CLCN7: variants seen among roughly 807,000 people sequenced by gnomAD.
The protein encoded by CLCN7 is H(+)/Cl(-) exchange transporter 7.
CLCN7 carries 60 observed loss-of-function variants against 102.1 expected under a neutral mutation model. The observed-to-expected ratio is 0.59, with a 90% CI of 0.48 to 0.73. The LOEUF is 0.73. Among genes scored for constraint, CLCN7 ranks in the 30% least tolerant of loss-of-function variants. CLCN7 has a pLI of 0.00. For synonymous variants in CLCN7, 560 were observed against 490.5 expected, an observed-to-expected ratio of 1.14 and a Z score of -1.87; for missense variants, 962 against 1,125.7, an observed-to-expected ratio of 0.85 and a Z score of 2.08.
chr16:1,457,978 G>A lies in CLCN7; in HGVS notation c.676-222C>T, dbSNP rs1459916874. Among the ~76,000 whole-genome samples, 3 of 152,202 alleles carry A rather than the reference G, an allele frequency of 2.0e-5. No individual in the cohort carries two copies. The highest frequency in any genetic ancestry group is 2.4e-5 in the African/African-American group (1 of 41,462). On this transcript the variant is annotated intron_variant, in intron 7 of 24. Coordinates refer to ENST00000382745, the MANE Select transcript of CLCN7 (RefSeq NM_001287.6). The surrounding 1 kb of genome is among the most constrained non-coding windows in gnomAD (Gnocchi z 5.4). ...TCACTCGGGGGACCTGCCCTCTGTG[G>A]CCTCAGCACTGAGCAGGCAAGGGGT... is the stretch of plus-strand genomic sequence containing the variant.
At chr16:1,473,841 T>A (rs902646471) in intron 1 of CLCN7, among the ~76,000 whole-genome samples, 5 of 151,834 alleles carry the variant, frequency 3.3e-5, no homozygotes, top group African/African-American at 1.2e-4. Context: ...CCCAGCACTT[T>A]GGGAGGCTGA....
chr16:1,455,974 G>T, intron 10 of CLCN7, 139 bp downstream of exon 10: 1 of 984,506 alleles, frequency 1.0e-6, no homozygotes, highest in Non-Finnish European at 1.5e-6. Context: ...CAAGTACACT[G>T]CCGGCCGCTT....
chr16:1,474,291 C>A (rs2039119766), intron 1 of CLCN7: 2 of 439,532 alleles, frequency 4.6e-6, no homozygotes, highest in Non-Finnish European at 9.2e-6. Flanking sequence ...ACTCGTCACT[C>A]CCAAGATCAC....
Position 1,449,423 on chromosome 16 carries a change from C to A in CLCN7, c.1618-96G>T, listed in dbSNP as rs1040568752. 8.2e-6 allele frequency: 10 copies of A among 1,216,058 alleles called. No individual in the cohort carries two copies. In the South Asian group the frequency reaches 1.0e-4, roughly 13 times the overall value. 75.3% of individuals were successfully genotyped at this position (1,216,058 alleles called of 1,614,324 possible). ...GGAGGCCCTGCCCAGGCCCAGCAGC[C>A]CCACAGCCAGGAACAAACCTCGTGG... is the stretch of plus-strand genomic sequence containing the variant. On this transcript the variant is annotated intron_variant, in intron 17 of 24. Transcript: ENST00000382745.
Position 1,461,681 on chromosome 16 carries a change from C to T in CLCN7, c.214-7G>A. On this transcript the variant is annotated splice_polypyrimidine_tract_variant and splice_region_variant and intron_variant, in intron 2 of 24. Transcript: ENST00000382745. ...GATGTGGAGGGTCCATATCCTGTGG[C>T]AGAAAAAGGCAAAGAGAGAAGCACA... The T allele has an allele frequency of 1.2e-6, 2 of 1,613,344 alleles. No individual in the cohort carries two copies. Among genetic ancestry groups the T allele is most frequent in the Non-Finnish European group, 1.7e-6 (2 of 1,179,554 alleles).
chr16:1,448,487 G>A lies in CLCN7; in HGVS notation c.1884-3C>T. 2 of 1,608,600 alleles carry A rather than the reference G, an allele frequency of 1.2e-6. No individual in the cohort carries two copies. Among genetic ancestry groups the A allele is most frequent in the South Asian group, 2.2e-5 (2 of 91,072 alleles). The stretch of plus-strand genomic sequence containing the variant: ...TCACTGGTGTGCTCATCACCTCCCT[G>A]CCGGAGGAGCCCGGCCACACATGCC... On this transcript the variant is annotated splice_region_variant and splice_polypyrimidine_tract_variant and intron_variant, in intron 20 of 24. Transcript: ENST00000382745.
At chr16:1,469,993 G>T (rs571015699) in intron 1 of CLCN7, among the ~76,000 whole-genome samples, 1 of 152,242 alleles carries the variant, frequency 6.6e-6, no homozygotes, top group African/African-American at 2.4e-5. Flanking sequence ...TCGCAAGAGG[G>T]CCCTGGAGCC....
intron 15 of CLCN7, 21 bp from the exon 16 acceptor site, chr16:1,451,737 A>G (rs1449953072): frequency 1.2e-6 from 2 of 1,601,500 alleles, no homozygotes; most frequent in East Asian, 4.5e-5. Context: ...GGGAGAGAGC[A>G]CACGTTGGGA....
At chr16:1,447,902 A>G (rs952876908) in intron 21 of CLCN7, among the ~76,000 whole-genome samples, 188 bp from the exon 22 acceptor site, 1 of 152,182 alleles carries the variant, frequency 6.6e-6, no homozygotes, top group Non-Finnish European at 1.5e-5. Context: ...CACGGGACCC[A>G]AGGATCGGCG....
At chr16:1,455,705 G>C in intron 11 of CLCN7, 26 bp downstream of exon 11, 1 of 1,612,038 alleles carries the variant, frequency 6.2e-7, no homozygotes, top group Non-Finnish European at 8.5e-7. Context: ...ACCCTGATCA[G>C]GAGGCAGCCA....
chr16:1,455,483 G>A, intron 11 of CLCN7: 1 of 649,964 alleles, frequency 1.5e-6, no homozygotes, highest in Non-Finnish European at 2.8e-6. Flanking sequence ...GGTGGGGCAG[G>A]GCTGGGTTCC....
chr16:1,469,613 T>C (rs548155082), intron 1 of CLCN7, among the ~76,000 whole-genome samples: 22 of 152,138 alleles, frequency 1.4e-4, no homozygotes, highest in East Asian at 7.8e-4. Context: ...TTGAACCCAA[T>C]AGGCAGAGGT....
intron 1 of CLCN7, chr16:1,474,257 T>C: frequency 2.2e-6 from 1 of 455,274 alleles, no homozygotes; most frequent in South Asian, 1.6e-5. Context: ...TTCAACTCGG[T>C]GCGAAGGGAG....
At chr16:1,453,741 C>A in intron 14 of CLCN7, 93 bp downstream of exon 14, 1 of 1,191,308 alleles carries the variant, frequency 8.4e-7, no homozygotes, top group Non-Finnish European at 1.3e-6. Flanking sequence ...CGGCTGTGGC[C>A]TAGGAGTGTA....
At position 1,447,639 on chromosome 16, in the gene CLCN7, G is replaced by T; in HGVS notation, c.2073+16C>A. On this transcript the variant is annotated intron_variant, in intron 22 of 24. Coordinates refer to ENST00000382745, the MANE Select transcript of CLCN7 (RefSeq NM_001287.6). The stretch of plus-strand genomic sequence containing the variant: ...GGGGCCCCCACCCGCCCAATGGCCC[G>T]GAGCCTGGCACGCACCTTGTGCTTT... 1 of 1,553,394 alleles carries T rather than the reference G, an allele frequency of 6.4e-7. No homozygotes were observed. The highest frequency in any genetic ancestry group is 8.7e-7 in the Non-Finnish European group (1 of 1,148,774).
chr16:1,446,670 T>G lies in CLCN7; in HGVS notation c.2379A>C (p.Gly793=). ...GCGAGAGCTCCTCCAAGCCTCTCTT[T>G]CCCAGGCGGTACCTGGCGAGGTCCT... ...TRKDLARYRL[G]KRGLEELSLA... Residue 793 remains glycine, a synonymous_variant, in exon 25 of 25, where the codon GGA becomes GGC. Transcript: ENST00000382745. 6.3e-7 allele frequency: 1 copy of G among 1,586,374 alleles called. No homozygotes were observed. The highest frequency in any genetic ancestry group is 8.6e-7 in the Non-Finnish European group (1 of 1,166,286).
At chr16:1,452,340 A>C in intron 15 of CLCN7, 1 of 263,872 alleles carries the variant, frequency 3.8e-6, no homozygotes, top group South Asian at 4.7e-5. Flanking sequence ...CTCTGAGCGT[A>C]GTGCTTTCCA....
rs2038632854 is a variant in CLCN7 at position 1,445,985 on chromosome 16, C to T, written c.*646G>A. On this transcript the variant is annotated 3_prime_UTR_variant, in exon 25 of 25. Transcript: ENST00000382745. ...ACATCACAGCACAGGGCCCGTGAGT[C>T]ACCCCAGTCCTCTGGGCCTGTGTAC... 2 of 454,538 alleles carry T rather than the reference C, an allele frequency of 4.4e-6. No homozygotes were observed. The highest frequency in any genetic ancestry group is 7.9e-5 in the Admixed American group (2 of 25,210). 28.2% of individuals were successfully genotyped at this position (454,538 alleles called of 1,614,324 possible).
chr16:1,455,099 ACGAGGTGGG>A (rs749681176), intron 12 of CLCN7, 26 bp downstream of exon 12: 9 of 1,210,696 alleles, frequency 7.4e-6, no homozygotes, highest in Non-Finnish European at 9.9e-6. Flanking sequence ...GGACCAGGAT[ACGAGGTGGG>A]CGAGGTGGGC....
Sources: allele counts gnomAD v4.1 joint callset (sites outside exome capture counted in the v4.1 genomes callset), GRCh38; gene constraint gnomAD v4.1.1; non-coding constraint Gnocchi (gnomAD v3.1); transcripts MANE v1.5; gene names NCBI Gene and HGNC (gene_info 2026-07-23, HGNC 2026-07-21).